The following ARHGAP32 variants were observed in gnomAD, a reference collection of about 807,000 sequenced individuals.
ARHGAP32 encodes the protein Rho GTPase activating protein 32.
ARHGAP32 carries 51 observed loss-of-function variants against 186.5 expected under a neutral mutation model. That is an observed-to-expected ratio of 0.27 (90% CI 0.22 to 0.35). The LOEUF (loss-of-function observed/expected upper bound fraction) is 0.35. Ranked by LOEUF, ARHGAP32 falls within the 10% of genes least tolerant of loss-of-function variation. ARHGAP32 has a pLI of 1.00. For missense variants in ARHGAP32, 2,186 were observed against 2,623.5 expected (o/e 0.83, Z 3.64); for synonymous variants, 950 against 964.3 (o/e 0.99, Z 0.27).
intron 1 of ARHGAP32, among the ~76,000 whole-genome samples, chr11:129,164,970 G>A (rs1208852642): frequency 6.6e-6 from 1 of 152,138 alleles, no homozygotes; most frequent in Non-Finnish European, 1.5e-5. Flanking sequence ...TACAAGCTTT[G>A]AGATAAGGAA....
At chr11:129,185,253 C>T (rs1202926286) in intron 1 of ARHGAP32, among the ~76,000 whole-genome samples, 2 of 152,116 alleles carry the variant, frequency 1.3e-5, no homozygotes, top group African/African-American at 4.8e-5. Context: ...ACATATACAC[C>T]ACGGAATACT....
chr11:129,261,009 A>G (rs1945314012), intron 1 of ARHGAP32, among the ~76,000 whole-genome samples: 2 of 152,136 alleles, frequency 1.3e-5, no homozygotes, highest in South Asian at 4.1e-4. Flanking sequence ...ACACTTCTAG[A>G]AAGCTGAAAA....
chr11:129,151,987 C>A (rs959195424), intron 2 of ARHGAP32, among the ~76,000 whole-genome samples: 1 of 151,872 alleles, frequency 6.6e-6, no homozygotes, highest in Non-Finnish European at 1.5e-5. Context: ...CAAGATTAAC[C>A]GAGAAAAGAG....
chr11:129,063,699 G>GA (rs1340283303), intron 9 of ARHGAP32, among the ~76,000 whole-genome samples: 1 of 152,064 alleles, frequency 6.6e-6, no homozygotes, highest in Admixed American at 6.6e-5. Flanking sequence ...GACAAAACAG[G>GA]AGACACTTAA....
chr11:128,984,294 G>A (rs1204857162), intron 15 of ARHGAP32, among the ~76,000 whole-genome samples: 1 of 151,954 alleles, frequency 6.6e-6, no homozygotes, highest in Non-Finnish European at 1.5e-5. Flanking sequence ...AGAATCACTT[G>A]AGCCTGGGAG....
At chr11:129,160,059 T>G (rs769542112) in intron 2 of ARHGAP32, among the ~76,000 whole-genome samples, 1 of 152,200 alleles carries the variant, frequency 6.6e-6, no homozygotes. Context: ...CACTGCTTCA[T>G]GCTAAAAACT....
rs1945255498 is a variant in ARHGAP32, at chr11:128,967,906, C to CGAT, written c.*1000_*1001insATC. 1 of 147,034 alleles carries CGAT rather than the reference C, an allele frequency of 6.8e-6. No homozygotes were observed. The highest frequency in any genetic ancestry group is 2.5e-5 in the African/African-American group (1 of 39,518). 9.1% of individuals were successfully genotyped at this position (147,034 alleles called of 1,614,324 possible). ...TCATAATAAATTATGCGTGTCTATC[C>CGAT]AGTCAAACCATGCTGGGCTTTTTTT... is the stretch of plus-strand genomic sequence containing the variant. On this transcript the variant is annotated 3_prime_UTR_variant, in exon 23 of 23. Transcript: ENST00000682385.
chr11:129,153,233 G>A (rs1001508486), intron 2 of ARHGAP32, among the ~76,000 whole-genome samples: 3 of 151,934 alleles, frequency 2.0e-5, no homozygotes, highest in Non-Finnish European at 4.4e-5. Context: ...AAAAATCACT[G>A]ATGACACAAA....
intron 19 of ARHGAP32, among the ~76,000 whole-genome samples, chr11:128,977,861 T>C (rs1204915726): frequency 2.3e-5 from 2 of 87,280 alleles, no homozygotes; most frequent in East Asian, 4.7e-4. Context: ...TTTATTATTA[T>C]TATTATTATT....
chr11:129,253,719 T>C lies in ARHGAP32; in HGVS notation c.-5+25427A>G, dbSNP rs111348356. The stretch of plus-strand genomic sequence containing the variant: ...ATAAACCTGAGGTATCCAACTCTGG[T>C]TGGAAAGTTCTGTGGTAACAGGAAT... On this transcript the variant is annotated intron_variant, in intron 1 of 6. Transcript: ENST00000525234. Among the ~76,000 whole-genome samples the C allele has an allele frequency of 1.9e-4, 29 of 152,196 alleles. 2 individuals carry two copies. Among genetic ancestry groups the C allele is most frequent in the African/African-American group, 6.7e-4 (28 of 41,558 alleles).
At chr11:129,254,173 GA>G (rs1008966517) in intron 1 of ARHGAP32, among the ~76,000 whole-genome samples, 3 of 152,070 alleles carry the variant, frequency 2.0e-5, no homozygotes, top group African/African-American at 2.4e-5. Flanking sequence ...GAAAGGGGGG[GA>G]AATATTTATA....
At chr11:129,219,987 C>G (rs563083064) in intron 1 of ARHGAP32, among the ~76,000 whole-genome samples, 1 of 152,226 alleles carries the variant, frequency 6.6e-6, no homozygotes, top group East Asian at 1.9e-4. Context: ...AAACACATTT[C>G]TCTACCCTAA....
At chr11:129,191,642 C>A (rs866557233) in intron 1 of ARHGAP32, among the ~76,000 whole-genome samples, 1 of 137,916 alleles carries the variant, frequency 7.3e-6, no homozygotes, top group East Asian at 2.1e-4. Flanking sequence ...ATGCATAAGG[C>A]AAACAAAGCA....
At chr11:129,055,798 T>G (rs1365930482) in intron 10 of ARHGAP32, among the ~76,000 whole-genome samples, 1 of 152,154 alleles carries the variant, frequency 6.6e-6, no homozygotes, top group Non-Finnish European at 1.5e-5. Flanking sequence ...GCACAGGAGA[T>G]TTTTAGGGCA....
At chr11:129,128,740 C>A (rs1417027904) in intron 2 of ARHGAP32, among the ~76,000 whole-genome samples, 1 of 152,164 alleles carries the variant, frequency 6.6e-6, no homozygotes, top group African/African-American at 2.4e-5. Flanking sequence ...CGCACCGCCA[C>A]ACCTGACTGG....
At chr11:129,010,838 T>G (rs951898508) in intron 11 of ARHGAP32, among the ~76,000 whole-genome samples, 1 of 152,246 alleles carries the variant, frequency 6.6e-6, no homozygotes, top group Non-Finnish European at 1.5e-5. Context: ...AAATACATGT[T>G]AACAGTAGGC....
In ARHGAP32 at chr11:128,974,721, G is replaced by A; in HGVS notation, c.2476C>T (p.Leu826=). The A allele has an allele frequency of 3.7e-6, 6 of 1,614,184 alleles. No individual in the cohort carries two copies. Among genetic ancestry groups the A allele is most frequent in the Non-Finnish European group, 5.1e-6 (6 of 1,180,026 alleles). Residue 826 remains leucine, a synonymous_variant, in exon 21 of 23, where the codon CTG becomes TTG. Coordinates refer to ENST00000682385, the MANE Select transcript of ARHGAP32 (RefSeq NM_001378024.1). ...TCTAAAAAGGAAGCACCACTCTCCA[G>A]ACATTCTGATTCGGCCTTAGGAGGA... ...CSPPKAESEC[L]ESGASFLDSP... is the part of the protein sequence containing the mutation.
intron 8 of ARHGAP32, 78 bp downstream of exon 8, chr11:129,064,763 C>T (rs1382048674): frequency 1.6e-5 from 19 of 1,162,090 alleles, no homozygotes; most frequent in Non-Finnish European, 2.4e-5. Context: ...CAATAGACAT[C>T]AAAATTATGT....
intron 15 of ARHGAP32, among the ~76,000 whole-genome samples, chr11:128,982,617 T>G (rs1591497110): frequency 6.6e-6 from 1 of 152,146 alleles, no homozygotes; most frequent in Middle Eastern, 3.4e-3. Context: ...CTGGGTGTGA[T>G]GGCTATTGCC....
Sources: gnomAD v4.1 joint callset for allele counts (sites outside exome capture counted in the v4.1 genomes callset) on GRCh38, gnomAD v4.1.1 for gene constraint, MANE v1.5 for transcripts, NCBI Gene and HGNC (gene_info 2026-07-23, HGNC 2026-07-21) for gene names.